Variants in BNC2 observed in about 807,000 individuals in gnomAD.
BNC2 encodes basonuclin zinc finger protein 2.
Under a neutral mutation model 76.3 loss-of-function variants are expected in BNC2, and 20 were observed. The ratio of observed to expected loss-of-function variants is 0.26; its 90% confidence interval spans 0.18 to 0.38. The LOEUF is 0.38. Among genes scored for constraint, BNC2 ranks in the 10% least tolerant of loss-of-function variants. The pLI is 1.00. For synonymous variants in BNC2, 582 were observed against 514.8 expected (o/e 1.13, Z -1.77); for missense variants, 1,382 against 1,399.8 (o/e 0.99, Z 0.20).
chr9:16,800,931 A>G (rs1241394101), intron 1 of BNC2, among the ~76,000 whole-genome samples: 1 of 152,258 alleles, frequency 6.6e-6, no homozygotes, highest in African/African-American at 2.4e-5. Context: ...TTTTAGAAGC[A>G]AAAGGGAAAA....
At chr9:16,849,584 C>G (rs1383399522) in intron 1 of BNC2, among the ~76,000 whole-genome samples, 1 of 151,996 alleles carries the variant, frequency 6.6e-6, no homozygotes, top group Non-Finnish European at 1.5e-5. Flanking sequence ...GTCCCGAACT[C>G]CTGACTTCAA....
intron 3 of BNC2, among the ~76,000 whole-genome samples, chr9:16,663,281 C>T (rs1364042473): frequency 6.6e-6 from 1 of 151,740 alleles, no homozygotes; most frequent in African/African-American, 2.4e-5. Flanking sequence ...TACAGGCGCC[C>T]GCCACCGTCC....
At position 16,691,198 on chromosome 9, in the gene BNC2, G is replaced by A. The variant is rs190543451; in HGVS notation, c.330+36599C>T. ...CCAGAGTGCTCAAAGGGCTTTACAC[G>A]TAATATTTATTAATTCCCACATCAG... On this transcript the variant is annotated intron_variant, in intron 3 of 6. Transcript: ENST00000380672. Among the ~76,000 whole-genome samples, 220 of 152,230 alleles carry A rather than the reference G, an allele frequency of 1.4e-3. 1 individual carries two copies. The highest frequency in any genetic ancestry group is 2.0e-3 in the Non-Finnish European group (134 of 68,026).
chr9:16,770,834 C>G (rs968277405), intron 1 of BNC2, among the ~76,000 whole-genome samples: 3 of 151,798 alleles, frequency 2.0e-5, no homozygotes, highest in Non-Finnish European at 4.4e-5. Flanking sequence ...GATCATGCCA[C>G]TGCACTCCAG....
At chr9:16,575,467 G>A (rs1819457014) in intron 4 of BNC2, 2 of 984,684 alleles carry the variant, frequency 2.0e-6, no homozygotes, top group Admixed American at 6.1e-5. Flanking sequence ...CTTTGAAGGG[G>A]AGGCACTGTT....
At chr9:16,557,868 T>TG (rs1818885866) in intron 4 of BNC2, among the ~76,000 whole-genome samples, 1 of 151,876 alleles carries the variant, frequency 6.6e-6, no homozygotes, top group Non-Finnish European at 1.5e-5. Flanking sequence ...GTTGTTTGTT[T>TG]GTTTTTTTTT....
intron 5 of BNC2, among the ~76,000 whole-genome samples, chr9:16,499,937 G>A (rs1296468187): frequency 1.3e-5 from 2 of 151,906 alleles, no homozygotes; most frequent in Non-Finnish European, 2.9e-5. Flanking sequence ...TAAGGCTCTT[G>A]GAACTCAGCT....
chr9:16,797,358 C>A (rs970687821), intron 1 of BNC2, among the ~76,000 whole-genome samples: 2 of 152,132 alleles, frequency 1.3e-5, no homozygotes, highest in South Asian at 4.1e-4. Flanking sequence ...ATTAAATGAG[C>A]TCCTCTGTAC....
chr9:16,452,713 C>A (rs1177150659), intron 5 of BNC2, among the ~76,000 whole-genome samples: 2 of 152,150 alleles, frequency 1.3e-5, no homozygotes, highest in African/African-American at 4.8e-5. Context: ...CCTGGCAGAA[C>A]CATTACAATT....
chr9:16,812,515 C>T (rs1563954767), intron 1 of BNC2, among the ~76,000 whole-genome samples: 1 of 152,214 alleles, frequency 6.6e-6, no homozygotes. Context: ...AGTTTGTCAC[C>T]TCGTGTCATT....
Position 16,665,484 on chromosome 9 carries a change from AAGAAAGAG to A in BNC2, c.330+62305_330+62312del, listed in dbSNP as rs1282203484. On this transcript the variant is annotated intron_variant, in intron 3 of 6. Coordinates refer to ENST00000380672, the MANE Select transcript of BNC2 (RefSeq NM_017637.6). ...AAAGAAAGAAAGAAAGAAAGAAAGA[AAGAAAGAG>A]AGAGAGAGAAATCACAGCAAATTTC... Among the ~76,000 whole-genome samples the A allele has an allele frequency of 1.8e-3, 240 of 136,944 alleles. 2 individuals are homozygous for A. Among genetic ancestry groups the A allele is most frequent in the African/African-American group, 6.8e-3 (221 of 32,696 alleles). The allele number at this position is 136,944 out of a possible 152,430, so 89.8% of individuals were successfully genotyped here. A position where few individuals can be genotyped will look rare whatever the true frequency, so the allele number is the denominator to read the frequency against.
At chr9:16,646,449 A>G (rs1821628288) in intron 3 of BNC2, among the ~76,000 whole-genome samples, 3 of 152,200 alleles carry the variant, frequency 2.0e-5, no homozygotes, top group Admixed American at 2.0e-4. Context: ...AACTACTAAT[A>G]CACACAACAA....
At chr9:16,850,104 T>A (rs148676518) in intron 1 of BNC2, among the ~76,000 whole-genome samples, 1,596 of 152,328 alleles carry the variant, frequency 0.01, 11 homozygotes, top group Non-Finnish European at 0.016. Context: ...AACCATTTCG[T>A]ATCATGAAGC....
intron 3 of BNC2, among the ~76,000 whole-genome samples, chr9:16,625,259 C>G (rs1240538189): frequency 6.6e-6 from 1 of 152,126 alleles, no homozygotes; most frequent in Non-Finnish European, 1.5e-5. Flanking sequence ...CAGACCCGAT[C>G]GGGAAATGAA....
Position 16,565,132 on chromosome 9 carries a change from C to G in BNC2, c.434-12367G>C, listed in dbSNP as rs76093605. 8.5e-5 allele frequency among the ~76,000 whole-genome samples: 13 copies of G among 152,218 alleles called. No homozygotes were observed. The East Asian group carries it at 2.3e-3, about 27-fold the overall frequency. On this transcript the variant is annotated intron_variant, in intron 4 of 6. Coordinates refer to ENST00000380672, the MANE Select transcript of BNC2 (RefSeq NM_017637.6). ...TTGGTCTCTCTCTGTTCTCACTGGC[C>G]TATTATATGCTAAAGAAAACCAAGT...
chr9:16,776,731 T>C (rs774802974), intron 1 of BNC2, among the ~76,000 whole-genome samples: 2 of 152,070 alleles, frequency 1.3e-5, no homozygotes. Context: ...AATTCCAAAT[T>C]TGAGGTGATA....
At chr9:16,836,827 C>CA in intron 1 of BNC2, among the ~76,000 whole-genome samples, 1 of 152,010 alleles carries the variant, frequency 6.6e-6, no homozygotes. Context: ...AATATATAGG[C>CA]AAATTAAACT....
chr9:16,844,844 T>A (rs1344907402), intron 1 of BNC2, among the ~76,000 whole-genome samples: 1 of 152,098 alleles, frequency 6.6e-6, no homozygotes, highest in Non-Finnish European at 1.5e-5. Context: ...CTGGGAAAGG[T>A]ATTATTGGTA....
intron 5 of BNC2, among the ~76,000 whole-genome samples, chr9:16,502,305 G>A (rs1324634906): frequency 1.3e-5 from 2 of 152,146 alleles, no homozygotes; most frequent in Non-Finnish European, 2.9e-5. Context: ...CTATGGTCAC[G>A]CCACTGCATT....
Sources: gnomAD v4.1 joint callset for allele counts (sites outside exome capture counted in the v4.1 genomes callset) on GRCh38, gnomAD v4.1.1 for gene constraint, MANE v1.5 for transcripts, NCBI Gene and HGNC (gene_info 2026-07-23, HGNC 2026-07-21) for gene names.